The following KIFC2 variants were observed in gnomAD, a reference collection of about 807,000 sequenced individuals.
KIFC2 encodes the protein kinesin family member C2, also known as kinesin-like protein KIFC2.
KIFC2 carries 94 observed loss-of-function variants against 91.5 expected under a neutral mutation model. The ratio of observed to expected loss-of-function variants is 1.03; its 90% CI spans 0.87 to 1.22. The LOEUF (loss-of-function observed/expected upper bound fraction) is 1.22. KIFC2 is among the 50% of genes most tolerant of loss of function. The probability of loss-of-function intolerance (pLI) is 0.00; values close to 1 mark genes in which losing one functional copy is unlikely to be tolerated. For synonymous variants in KIFC2, 729 were observed against 503.9 expected (o/e 1.45, Z -5.98); for missense variants, 1,357 against 1,103.3 (o/e 1.23, Z -3.26).
At chr8:144,466,580 G>C (rs1256183746) in intron 1 of KIFC2, 62 bp downstream of exon 1, 5 of 982,780 alleles carry the variant, frequency 5.1e-6, no homozygotes, top group Non-Finnish European at 6.6e-6. Flanking sequence ...CCACGCCGAG[G>C]TTCCCGGGGC....
rs1410821819 is a variant in KIFC2 at position 144,467,760 on chromosome 8, G to C, written c.662G>C (p.Gly221Ala). ...QQLEQQEEELGRLRLGVGATD... is the reference protein window; with the variant it reads ...QQLEQQEEELARLRLGVGATD... ...CTGGAACAGCAGGAGGAGGAGTTGG[G>C]TCGACTGCGCCTGGGCGTGGTGAGG... The change falls in exon 6 of 18, where the codon GGT becomes GCT. Residue 221 changes from glycine (G) to alanine (A), a missense_variant. Transcript: ENST00000645548. The C allele has an allele frequency of 1.2e-6, 2 of 1,613,682 alleles. No individual in the cohort carries two copies. Among genetic ancestry groups the C allele is most frequent in the Non-Finnish European group, 1.7e-6 (2 of 1,180,004 alleles).
chr8:144,471,348 G>A (rs1355409982), intron 12 of KIFC2, among the ~76,000 whole-genome samples: 2 of 141,666 alleles, frequency 1.4e-5, no homozygotes, highest in African/African-American at 5.2e-5. Context: ...GTCACACTTT[G>A]TCATCAGGCT....
Position 144,472,246 on chromosome 8 carries a change from A to G in KIFC2, c.1594A>G (p.Asn532Asp), listed in dbSNP as rs1824956306. The change falls in exon 14 of 18, where the codon AAT becomes GAT. Residue 532 changes from asparagine (N) to aspartate (D), a missense_variant. Transcript: ENST00000645548. ...GACACTCAGCATGGTGGAGATCTAC[A>G]ATGAGGCTGTCAGGTGGGCTACTCC... ...RVTLSMVEIY[N>D]EAVRDLLAPG... The G allele has an allele frequency of 1.2e-6, 2 of 1,613,134 alleles. No homozygotes were observed. The highest frequency in any genetic ancestry group is 1.7e-6 in the Non-Finnish European group (2 of 1,179,866).
chr8:144,470,294 C>T (rs1213589496), intron 12 of KIFC2, among the ~76,000 whole-genome samples: 1 of 152,250 alleles, frequency 6.6e-6, no homozygotes, highest in Non-Finnish European at 1.5e-5. Flanking sequence ...CTTCTTCCTT[C>T]ATCCCACACA....
At chr8:144,469,790 C>G in intron 12 of KIFC2, 143 bp downstream of exon 12, 2 of 1,082,854 alleles carry the variant, frequency 1.8e-6, no homozygotes, top group South Asian at 1.6e-5. Context: ...GGAAAGGGAA[C>G]CGAGGGGGCT....
At chr8:144,467,374 C>T (rs753904916) in intron 4 of KIFC2, 33 bp downstream of exon 4, 60 of 1,566,878 alleles carry the variant, frequency 3.8e-5, no homozygotes, top group Non-Finnish European at 4.9e-5. Context: ...AAGAAGAACT[C>T]TGGAGGGAGC....
At position 144,472,884 on chromosome 8, in the gene KIFC2, CG is replaced by C; in HGVS notation, c.1953del (p.Arg652AlafsTer8). ...GCCGCGGGGAGACCCAGACGGCGCCCGGCGCCTGCGGGAGGCCCAGACCATA... is the reference window on the plus strand; with the variant it reads ...GCCGCGGGGAGACCCAGACGGCGCCCGCGCCTGCGGGAGGCCCAGACCATA... ...GPPRGDPDGA[R>X]RLREAQTINR... is the part of the protein sequence containing the mutation. On this transcript the variant is annotated frameshift_variant, in exon 17 of 18. Coordinates refer to ENST00000645548, the MANE Select transcript of KIFC2 (RefSeq NM_001369769.2). LOFTEE classifies it high-confidence loss of function. 1 of 1,521,710 alleles carries C rather than the reference CG, an allele frequency of 6.6e-7. No individual in the cohort carries two copies. Among genetic ancestry groups the C allele is most frequent in the Non-Finnish European group, 8.7e-7 (1 of 1,149,264 alleles). 94.3% of individuals were successfully genotyped at this position (1,521,710 alleles called of 1,614,324 possible).
chr8:144,466,741 G>C lies in KIFC2; in HGVS notation c.100-19G>C. 6.6e-7 allele frequency: 1 copy of C among 1,508,384 alleles called. No homozygotes were observed. Among genetic ancestry groups the C allele is most frequent in the South Asian group, 1.2e-5 (1 of 82,126 alleles). 93.4% of individuals were successfully genotyped at this position (1,508,384 alleles called of 1,614,324 possible). On this transcript the variant is annotated intron_variant, in intron 1 of 17. Coordinates refer to ENST00000645548, the MANE Select transcript of KIFC2 (RefSeq NM_001369769.2). ...GCTGCCTGCCCCCCTCCTCAGGGGCGCCCCTGCCCCCTCCCTAGAGAGCCC... is the reference window on the plus strand; with the variant it reads ...GCTGCCTGCCCCCCTCCTCAGGGGCCCCCCTGCCCCCTCCCTAGAGAGCCC...
At chr8:144,471,519 C>T (rs1315364947) in intron 12 of KIFC2, among the ~76,000 whole-genome samples, 1 of 152,060 alleles carries the variant, frequency 6.6e-6, no homozygotes, top group Admixed American at 6.6e-5. Flanking sequence ...CACCGTATTG[C>T]CTAGGCTGGT....
At position 144,467,058 on chromosome 8, in the gene KIFC2, C is replaced by G; in HGVS notation, c.278C>G (p.Ser93Cys). 1 of 1,595,444 alleles carries G rather than the reference C, an allele frequency of 6.3e-7. No homozygotes were observed. Among genetic ancestry groups the G allele is most frequent in the Non-Finnish European group, 8.5e-7 (1 of 1,171,526 alleles). The part of the protein sequence containing the change: ...EALLRLAEFL[S>C]VQLGAEESCG... ...CTACTGCGCCTCGCCGAGTTCCTCT[C>G]CGTCCAGCTGGGGGCGGAAGAGAGC... is the stretch of plus-strand genomic sequence containing the variant. The change falls in exon 3 of 18, where the codon TCC becomes TGC. Residue 93 changes from serine (S) to cysteine (C), a missense_variant. By Grantham distance (112) the Ser-to-Cys change is moderately radical (BLOSUM62 -1). Transcript: ENST00000645548.
Position 144,472,042 on chromosome 8 carries a change from T to C in KIFC2, c.1481T>C (p.Met494Thr). Residue 494 changes from methionine (M) to threonine (T), a missense_variant, in exon 13 of 18, where the codon ATG (methionine) becomes ACG (threonine). By Grantham distance (81) the Met-to-Thr change is moderately conservative. Transcript: ENST00000645548. Reference protein sequence around the residue: ...GQTGTGKTYSMEGPPEDPGIV... With the variant: ...GQTGTGKTYSTEGPPEDPGIV... ...ACAGGCACCGGGAAGACCTACAGCA[T>C]GGAGGTGGGACAGAGCTCACGCCCC... 6.2e-7 allele frequency: 1 copy of C among 1,613,492 alleles called. No homozygotes were observed. The highest frequency in any genetic ancestry group is 8.5e-7 in the Non-Finnish European group (1 of 1,180,012).
Position 144,473,338 on chromosome 8 carries a change from C to A in KIFC2, c.2325C>A (p.Pro775=). 6.3e-7 allele frequency: 1 copy of A among 1,597,742 alleles called. No homozygotes were observed. The highest frequency in any genetic ancestry group is 2.3e-5 in the East Asian group (1 of 43,980). ...PSPGSPPCPS[P]DNGSGSALAP... is the part of the protein sequence containing the mutation. The stretch of plus-strand genomic sequence containing the variant: ...CTGGCAGTCCTCCATGCCCCAGTCC[C>A]GACAACGGCTCGGGCTCGGCTCTCG... The change falls in exon 18 of 18, where the codon CCC becomes CCA. Residue 775 remains proline, a synonymous_variant. Transcript: ENST00000645548.
In KIFC2 at chr8:144,467,757, T is replaced by G. The variant is rs1824742138; in HGVS notation, c.659T>G (p.Leu220Trp). The G allele has an allele frequency of 2.5e-6, 4 of 1,613,772 alleles. No homozygotes were observed. The East Asian group carries it at 6.7e-5, about 27-fold the overall frequency. Reference sequence around the variant, plus strand: ...CAGCTGGAACAGCAGGAGGAGGAGTTGGGTCGACTGCGCCTGGGCGTGGTG... The same window carrying G: ...CAGCTGGAACAGCAGGAGGAGGAGTGGGGTCGACTGCGCCTGGGCGTGGTG... Reference protein sequence around the residue: ...KQQLEQQEEELGRLRLGVGAT... With the variant: ...KQQLEQQEEEWGRLRLGVGAT... The change falls in exon 6 of 18, where the codon TTG becomes TGG. Residue 220 changes from leucine (L) to tryptophan (W), a missense_variant. Coordinates refer to ENST00000645548, the MANE Select transcript of KIFC2 (RefSeq NM_001369769.2).
chr8:144,468,883 C>T (rs1459856181), intron 10 of KIFC2, 49 bp downstream of exon 10: 7 of 1,507,520 alleles, frequency 4.6e-6, no homozygotes, highest in South Asian at 2.3e-5. Context: ...AGCCTATTCA[C>T]TGTTCTTTTG....
At position 144,469,606 on chromosome 8, in the gene KIFC2, C is replaced by T. The variant is rs748782569; in HGVS notation, c.1339C>T (p.Arg447Cys). ...TCYRGRHRRF[R>C]LDWVFPPDAS... ...CTACCGGGGGCGCCATCGTCGATTC[C>T]GCCTAGACTGGGTCTTCCCTCCAGA... Residue 447 changes from arginine (R) to cysteine (C), a missense_variant, in exon 12 of 18, where the codon CGC (arginine) becomes TGC (cysteine). Arg to Cys is a radical substitution (Grantham distance 180). Coordinates refer to ENST00000645548, the MANE Select transcript of KIFC2 (RefSeq NM_001369769.2). 19 of 1,610,838 alleles carry T rather than the reference C, an allele frequency of 1.2e-5. 1 individual carries two copies. The highest frequency in any genetic ancestry group is 4.5e-5 in the East Asian group (2 of 44,892).
rs1481120869 is a variant in KIFC2, at chr8:144,468,539, G to T, written c.892G>T (p.Gly298Trp). The change falls in exon 9 of 18, where the codon GGG becomes TGG. Residue 298 changes from glycine (G) to tryptophan (W), a missense_variant. Physicochemically the swap from Gly to Trp is radical, Grantham distance 184. Transcript: ENST00000645548. ...DTTEALRAQL[G>W]VQEVQLQGLQ... ...GGGGTGGGGTTGGGCGGGGCAGCTG[G>T]GGGTGCAGGAGGTGCAGCTGCAGGG... The T allele has an allele frequency of 6.3e-7, 1 of 1,574,856 alleles. No individual in the cohort carries two copies. Among genetic ancestry groups the T allele is most frequent in the Non-Finnish European group, 8.6e-7 (1 of 1,160,566 alleles).
chr8:144,468,716 C>T lies in KIFC2; in HGVS notation c.1004-9C>T, dbSNP rs754225475. 6.2e-6 allele frequency: 10 copies of T among 1,613,820 alleles called. No homozygotes were observed. The highest frequency in any genetic ancestry group is 4.5e-5 in the East Asian group (2 of 44,894). ...TGGGCCTTCCCTTCCAACAGACTTC[C>T]CTCTCCAGGACTTCGGGCACGGATG... On this transcript the variant is annotated splice_polypyrimidine_tract_variant and intron_variant, in intron 9 of 17. Coordinates refer to ENST00000645548, the MANE Select transcript of KIFC2 (RefSeq NM_001369769.2).
chr8:144,469,282 C>G lies in KIFC2; in HGVS notation c.1125C>G (p.Ala375=). 1 of 1,597,904 alleles carries G rather than the reference C, an allele frequency of 6.3e-7. No homozygotes were observed. Among genetic ancestry groups the G allele is most frequent in the Non-Finnish European group, 8.5e-7 (1 of 1,174,366 alleles). Residue 375 remains alanine, a synonymous_variant, in exon 11 of 18, where the codon GCC becomes GCG. Coordinates refer to ENST00000645548, the MANE Select transcript of KIFC2 (RefSeq NM_001369769.2). The part of the protein sequence containing the change: ...LSEARGQVSW[A]LGALSSGGPG... The stretch of plus-strand genomic sequence containing the variant: ...CCCTGTTCCCTCAGGTGTCCTGGGC[C>G]TTGGGGGCACTGTCATCTGGAGGGC...
rs763625927 is a variant in KIFC2, at chr8:144,472,725, G to C, written c.1861+19G>C. ...ACCGCAGGTACCACGGCCGGTGCCT[G>C]AGCCCTGCGGAGTCTCCAGAGCACC... On this transcript the variant is annotated intron_variant, in intron 16 of 17. Transcript: ENST00000645548. 2 of 1,592,190 alleles carry C rather than the reference G, an allele frequency of 1.3e-6. No homozygotes were observed.
Sources: gnomAD v4.1 joint callset for allele counts (sites outside exome capture counted in the v4.1 genomes callset) on GRCh38, gnomAD v4.1.1 for gene constraint, MANE v1.5 for transcripts, NCBI Gene and HGNC (gene_info 2026-07-23, HGNC 2026-07-21) for gene names.